Variants in SDK1 observed in about 807,000 individuals in gnomAD.
The protein encoded by SDK1 is protein sidekick-1.
Under a neutral mutation model 245.5 loss-of-function variants are expected in SDK1, and 157 were observed. The ratio of observed to expected loss-of-function variants is 0.64; its 90% confidence interval spans 0.56 to 0.73. The LOEUF (loss-of-function observed/expected upper bound fraction) is 0.73. Ranked by LOEUF, SDK1 falls within the 30% of genes least tolerant of loss-of-function variation. The probability of loss-of-function intolerance (pLI) is 0.00; values close to 1 mark genes in which losing one functional copy is unlikely to be tolerated. For synonymous variants in SDK1, 1,647 were observed against 1,278.5 expected (o/e 1.29, Z -6.15); for missense variants, 3,583 against 3,002.3 (o/e 1.19, Z -4.52).
intron 4 of SDK1, among the ~76,000 whole-genome samples, chr7:3,664,972 C>G (rs1229303342): frequency 6.6e-6 from 1 of 152,160 alleles, no homozygotes; most frequent in African/African-American, 2.4e-5. Flanking sequence ...ATATCCACAG[C>G]AGGATGATTC....
At chr7:3,632,491 C>T (rs1483902942) in intron 2 of SDK1, among the ~76,000 whole-genome samples, 1 of 152,080 alleles carries the variant, frequency 6.6e-6, no homozygotes, top group Non-Finnish European at 1.5e-5. Flanking sequence ...CTAATTGATA[C>T]CAGGAGAGCT....
chr7:3,969,387 G>A lies in SDK1; in HGVS notation c.1677G>A (p.Glu559=), dbSNP rs765038181. ...ACACCTGCTATGCGGCCAACACAGAGGGCTCCCTGAATGCATCGGCCACGC... is the reference window on the plus strand; with the variant it reads ...ACACCTGCTATGCGGCCAACACAGAAGGCTCCCTGAATGCATCGGCCACGC... ...GNYTCYAANT[E]GSLNASATLT... Residue 559 remains glutamate, a synonymous_variant, in exon 11 of 45, where the codon GAG becomes GAA. Coordinates refer to ENST00000404826, the MANE Select transcript of SDK1 (RefSeq NM_152744.4). 6.2e-7 allele frequency: 1 copy of A among 1,608,044 alleles called. No homozygotes were observed. The highest frequency in any genetic ancestry group is 1.7e-5 in the Admixed American group (1 of 59,154).
At position 4,145,074 on chromosome 7, in the gene SDK1, G is replaced by A. The variant is rs561747197; in HGVS notation, c.4229-648G>A. On this transcript the variant is annotated intron_variant, in intron 28 of 44. Transcript: ENST00000404826. ...TGGTCAACCCCAAGCCCCTCCCAGC[G>A]GAGGAACTGAGCAAGCCAGGAGCCC... Among the ~76,000 whole-genome samples the A allele has an allele frequency of 5.3e-5, 8 of 152,264 alleles. 1 individual carries two copies. Among genetic ancestry groups the A allele is most frequent in the African/African-American group, 1.2e-4 (5 of 41,542 alleles).
intron 1 of SDK1, among the ~76,000 whole-genome samples, chr7:3,567,017 C>T (rs2128628164): frequency 6.6e-6 from 1 of 152,200 alleles, no homozygotes. Flanking sequence ...TGAATTAGGC[C>T]CAGAAATACT....
intron 1 of SDK1, among the ~76,000 whole-genome samples, chr7:3,524,442 G>C (rs1783050483): frequency 6.6e-6 from 1 of 152,186 alleles, no homozygotes; most frequent in Non-Finnish European, 1.5e-5. Flanking sequence ...TCAGGTGATA[G>C]CAGTACAGAT....
rs10225330 is a variant in SDK1 at position 3,641,777 on chromosome 7, C to T, written c.566-181C>T. ...GCGCTTTGGAGGCGCGTGGCTTGCC[C>T]GGTGCTTCACTCGCAAGCAGATCCG... On this transcript the variant is annotated intron_variant, in intron 3 of 44. Transcript: ENST00000404826. 2.1e-3 allele frequency among the ~76,000 whole-genome samples: 327 copies of T among 152,308 alleles called. 2 individuals are homozygous for T. The highest frequency in any genetic ancestry group is 6.5e-3 in the African/African-American group (272 of 41,582).
chr7:3,509,085 C>CAT, intron 1 of SDK1, among the ~76,000 whole-genome samples: 2 of 149,406 alleles, frequency 1.3e-5, no homozygotes, highest in East Asian at 2.0e-4. Context: ...TGTGTGTGTG[C>CAT]GTGTGTGTGT....
At chr7:3,832,583 C>A (rs890311219) in intron 5 of SDK1, among the ~76,000 whole-genome samples, 1 of 152,124 alleles carries the variant, frequency 6.6e-6, no homozygotes, top group East Asian at 1.9e-4. Context: ...ATGCTGAAGA[C>A]CATTAGCAAA....
rs377035273 is a variant in SDK1 at position 4,145,936 on chromosome 7, G to A, written c.4423+20G>A. 31 of 1,578,194 alleles carry A rather than the reference G, an allele frequency of 2.0e-5. No individual in the cohort carries two copies. The highest frequency in any genetic ancestry group is 1.2e-4 in the African/African-American group (9 of 73,618). ...AGAGAGGTAAGACCTTGGGGGACCCGGGGGTACTGCAGATGTTGTGGGCAC... is the reference window on the plus strand; with the variant it reads ...AGAGAGGTAAGACCTTGGGGGACCCAGGGGTACTGCAGATGTTGTGGGCAC... On this transcript the variant is annotated intron_variant, in intron 29 of 44. Transcript: ENST00000404826.
Position 4,073,906 on chromosome 7 carries a change from G to A in SDK1, c.3011-3092G>A, listed in dbSNP as rs147236343. ...CACACTCAGCACGGCCACAACAAGC[G>A]ATTTATCCCCTAGTGCTCAGGCCCC... On this transcript the variant is annotated intron_variant, in intron 20 of 44. Transcript: ENST00000404826. Among the ~76,000 whole-genome samples, 12 of 152,260 alleles carry A rather than the reference G, an allele frequency of 7.9e-5. No individual in the cohort carries two copies. In the East Asian group the frequency reaches 2.1e-3, roughly 27 times the overall value.
At chr7:3,971,392 G>A in intron 11 of SDK1, 74 bp from the exon 12 acceptor site, 1 of 961,240 alleles carries the variant, frequency 1.0e-6, no homozygotes, top group Admixed American at 2.0e-5. Context: ...AGATGACCAG[G>A]GCATTATCCC....
chr7:3,539,785 A>G (rs17133529), intron 1 of SDK1, among the ~76,000 whole-genome samples: 37,842 of 152,086 alleles, frequency 0.25, 4,939 homozygotes, highest in East Asian at 0.35. Context: ...GGGCTCACCA[A>G]CTCAGTGCTT....
intron 14 of SDK1, among the ~76,000 whole-genome samples, chr7:3,989,085 C>T (rs115844375): frequency 1.7e-4 from 26 of 152,296 alleles, no homozygotes; most frequent in African/African-American, 5.3e-4. Flanking sequence ...CGTAAGCTGC[C>T]GGCCTCCCTC....
At position 3,357,535 on chromosome 7, in the gene SDK1, A is replaced by G. The variant is rs142314325; in HGVS notation, c.298+55651A>G. On this transcript the variant is annotated intron_variant, in intron 1 of 44. Transcript: ENST00000404826. ...TGGCTTAATTTTTTTTTTTGTAGAG[A>G]TGGGGTCTTGTTGTGTTGCCCAGGC... Among the ~76,000 whole-genome samples the G allele has an allele frequency of 6.4e-3, 959 of 148,848 alleles. 9 individuals carry two copies. The highest frequency in any genetic ancestry group is 0.019 in the South Asian group (86 of 4,630).
intron 5 of SDK1, among the ~76,000 whole-genome samples, chr7:3,941,862 C>A (rs1011561533): frequency 4.0e-5 from 6 of 151,494 alleles, no homozygotes; most frequent in Non-Finnish European, 8.8e-5. Flanking sequence ...CAATCGTGAT[C>A]TGCTGGTGAT....
At chr7:3,462,105 T>A (rs73296754) in intron 1 of SDK1, among the ~76,000 whole-genome samples, 3,650 of 152,236 alleles carry the variant, frequency 0.024, 168 homozygotes, top group African/African-American at 0.084. Context: ...ACCTTTTTCA[T>A]GTGGTTTCCG....
rs1781417244 is a variant in SDK1 at position 3,378,917 on chromosome 7, ACCGACCT to A, written c.298+77036_298+77042del. 2.6e-5 allele frequency among the ~76,000 whole-genome samples: 4 copies of A among 152,086 alleles called. No homozygotes were observed. In the South Asian group the frequency reaches 8.4e-4, roughly 32 times the overall value. Reference sequence around the variant, plus strand: ...TCATCGGAGAGTTGCATGCATGCTCACCGACCTCCCACCCCTTCCCCGGAGCAGACCC... The same window carrying A: ...TCATCGGAGAGTTGCATGCATGCTCACCCACCCCTTCCCCGGAGCAGACCC... On this transcript the variant is annotated intron_variant, in intron 1 of 44. Transcript: ENST00000404826.
At position 3,867,468 on chromosome 7, in the gene SDK1, G is replaced by A. The variant is rs114642901; in HGVS notation, c.847+45885G>A. On this transcript the variant is annotated intron_variant, in intron 5 of 44. Coordinates refer to ENST00000404826, the MANE Select transcript of SDK1 (RefSeq NM_152744.4). ...GAAAAAGAGGTTTAATGGACTCACA[G>A]TGTCATATGGCTGGGGCGGCCTCAC... Among the ~76,000 whole-genome samples the A allele has an allele frequency of 5.0e-3, 763 of 152,262 alleles. 7 individuals carry two copies. Among genetic ancestry groups the A allele is most frequent in the African/African-American group, 0.018 (729 of 41,512 alleles).
Position 4,084,701 on chromosome 7 carries a change from G to GTTATA in SDK1, c.3324+5121_3324+5122insATTAT, listed in dbSNP as rs1052631477. Reference sequence around the variant, plus strand: ...GTTATGTTATGTTATGTTATGTTATGTTATGTTATGTTATGTTATGTTATG... The same window carrying GTTATA: ...GTTATGTTATGTTATGTTATGTTATGTTATATTATGTTATGTTATGTTATGTTATG... On this transcript the variant is annotated intron_variant, in intron 22 of 44. Transcript: ENST00000404826. Among the ~76,000 whole-genome samples, 26 of 136,460 alleles carry GTTATA rather than the reference G, an allele frequency of 1.9e-4. 1 individual carries two copies. In the East Asian group the frequency reaches 5.1e-3, roughly 27 times the overall value. The allele number at this position is 136,460 out of a possible 152,430, so 89.5% of individuals were successfully genotyped here.
Sources: gnomAD v4.1 joint callset for allele counts (sites outside exome capture counted in the v4.1 genomes callset) on GRCh38, gnomAD v4.1.1 for gene constraint, MANE v1.5 for transcripts, NCBI Gene and HGNC (gene_info 2026-07-23, HGNC 2026-07-21) for gene names.